The following GRIA1 variants were observed in gnomAD, a reference collection of about 807,000 sequenced individuals.
GRIA1 encodes glutamate ionotropic receptor AMPA type subunit 1.
A neutral mutation model predicts 99.2 loss-of-function variants in GRIA1; 31 were observed. The observed-to-expected ratio is 0.31, with a 90% CI of 0.23 to 0.42. The LOEUF is 0.42. Among genes scored for constraint, GRIA1 ranks in the 10% least tolerant of loss-of-function variants. The probability of loss-of-function intolerance (pLI) is 1.00; values close to 1 mark genes in which losing one functional copy is unlikely to be tolerated. For synonymous variants in GRIA1, 438 were observed against 432.4 expected (o/e 1.01, Z -0.16); for missense variants, 782 against 1,157.5 (o/e 0.68, Z 4.71).
rs535098920 is a variant in GRIA1, at chr5:153,772,180, T to C, written c.2270+1765T>C. Reference sequence around the variant, plus strand: ...GAACAATAAAGACAAAGAGAAGATCTCAAAGCACCCAGATATAAAAAGGTT... The same window carrying C: ...GAACAATAAAGACAAAGAGAAGATCCCAAAGCACCCAGATATAAAAAGGTT... On this transcript the variant is annotated intron_variant, in intron 13 of 15. Transcript: ENST00000285900. Among the ~76,000 whole-genome samples, 3 of 151,736 alleles carry C rather than the reference T, an allele frequency of 2.0e-5. No individual in the cohort carries two copies. In the East Asian group the frequency reaches 5.8e-4, roughly 29 times the overall value.
chr5:153,742,569 A>G (rs574201874), intron 11 of GRIA1, among the ~76,000 whole-genome samples: 1 of 152,280 alleles, frequency 6.6e-6, no homozygotes, highest in Admixed American at 6.5e-5. Flanking sequence ...TGTTTTGCTC[A>G]TTCAGGTTGT....
chr5:153,795,293 CTG>C (rs888044828), intron 14 of GRIA1, among the ~76,000 whole-genome samples: 2 of 152,016 alleles, frequency 1.3e-5, no homozygotes, highest in Non-Finnish European at 2.9e-5. Context: ...AGAGAAAGAA[CTG>C]TGTGAGTGTG....
intron 11 of GRIA1, among the ~76,000 whole-genome samples, chr5:153,711,670 CT>C (rs1206455467): frequency 6.6e-6 from 1 of 152,206 alleles, no homozygotes; most frequent in Non-Finnish European, 1.5e-5. Context: ...TGCTACCCTA[CT>C]GTGTAGTCTC....
At chr5:153,575,360 C>A (rs1762443546) in intron 2 of GRIA1, among the ~76,000 whole-genome samples, 1 of 152,108 alleles carries the variant, frequency 6.6e-6, no homozygotes, top group Admixed American at 6.6e-5. Context: ...ATTAGGTAGT[C>A]TTATGTAGGG....
intron 2 of GRIA1, among the ~76,000 whole-genome samples, chr5:153,573,819 C>A (rs17114806): frequency 0.097 from 14,706 of 152,208 alleles, 786 homozygotes; most frequent in South Asian, 0.19. Context: ...TGTGTGGCTG[C>A]ATGCCAAATG....
chr5:153,576,482 C>T (rs577983128), intron 2 of GRIA1, among the ~76,000 whole-genome samples: 2 of 152,306 alleles, frequency 1.3e-5, no homozygotes, highest in Admixed American at 1.3e-4. Context: ...ATATTCCAAT[C>T]TTTGATACCT....
chr5:153,685,923 G>A (rs1299365241), intron 7 of GRIA1, among the ~76,000 whole-genome samples: 1 of 152,120 alleles, frequency 6.6e-6, no homozygotes, highest in Non-Finnish European at 1.5e-5. Context: ...TTGTGTGATG[G>A]GAGGTGTTTG....
intron 15 of GRIA1, among the ~76,000 whole-genome samples, chr5:153,809,305 C>A (rs1485866777): frequency 2.0e-5 from 3 of 152,154 alleles, no homozygotes; most frequent in Admixed American, 6.5e-5. Flanking sequence ...AGAATGCAAT[C>A]CAGGTCACAC....
intron 5 of GRIA1, among the ~76,000 whole-genome samples, chr5:153,664,711 G>A (rs1307987012): frequency 6.6e-6 from 1 of 152,154 alleles, no homozygotes; most frequent in African/African-American, 2.4e-5. Context: ...GCCTGACAGT[G>A]TTAAGCACTC....
chr5:153,745,380 G>A (rs1218208454), intron 11 of GRIA1, among the ~76,000 whole-genome samples: 1 of 151,886 alleles, frequency 6.6e-6, no homozygotes, highest in Admixed American at 6.6e-5. Context: ...CTGAGGTCAG[G>A]AGTTTGAGAC....
At chr5:153,661,234 G>T (rs1437152118) in intron 5 of GRIA1, among the ~76,000 whole-genome samples, 4 of 152,146 alleles carry the variant, frequency 2.6e-5, no homozygotes, top group Non-Finnish European at 5.9e-5. Context: ...TGCAGCTTCT[G>T]GTTAGGCAGG....
chr5:153,569,828 T>G (rs1761960667), intron 2 of GRIA1, among the ~76,000 whole-genome samples: 1 of 152,066 alleles, frequency 6.6e-6, no homozygotes, highest in Non-Finnish European at 1.5e-5. Context: ...CCTAAAGAGG[T>G]GCAGAGGAAA....
chr5:153,787,477 C>G (rs1325875334), intron 13 of GRIA1, among the ~76,000 whole-genome samples: 1 of 150,136 alleles, frequency 6.7e-6, no homozygotes, highest in Non-Finnish European at 1.5e-5. Flanking sequence ...CTCTCTGAAT[C>G]TTGGAATTTT....
chr5:153,679,933 C>G (rs896091796), intron 7 of GRIA1, among the ~76,000 whole-genome samples: 2 of 152,164 alleles, frequency 1.3e-5, no homozygotes, highest in African/African-American at 4.8e-5. Flanking sequence ...ACACAAAGCT[C>G]TAAACATTTA....
intron 2 of GRIA1, among the ~76,000 whole-genome samples, chr5:153,581,267 G>A (rs945533147): frequency 1.3e-5 from 2 of 152,178 alleles, no homozygotes; most frequent in African/African-American, 4.8e-5. Context: ...CTCTTAAAAT[G>A]TAAATCAGAT....
intron 2 of GRIA1, among the ~76,000 whole-genome samples, chr5:153,629,368 T>C (rs1752763670): frequency 6.6e-6 from 1 of 152,148 alleles, no homozygotes; most frequent in African/African-American, 2.4e-5. Flanking sequence ...AGTGAGAAGA[T>C]TGGAAACACT....
At chr5:153,685,175 G>C (rs974370852) in intron 7 of GRIA1, among the ~76,000 whole-genome samples, 1 of 152,176 alleles carries the variant, frequency 6.6e-6, no homozygotes, top group Non-Finnish European at 1.5e-5. Flanking sequence ...CACCTCACTG[G>C]CCTTAGGCAA....
intron 11 of GRIA1, among the ~76,000 whole-genome samples, chr5:153,738,351 G>A (rs905041461): frequency 3.3e-5 from 5 of 152,020 alleles, no homozygotes; most frequent in Non-Finnish European, 7.4e-5. Flanking sequence ...GGGTATCCTC[G>A]GGGTTAAAAG....
intron 5 of GRIA1, among the ~76,000 whole-genome samples, chr5:153,673,737 G>A (rs979420515): frequency 6.6e-6 from 1 of 152,202 alleles, no homozygotes; most frequent in African/African-American, 2.4e-5. Context: ...TGAAAGTACT[G>A]CACATTATTG....
Sources: allele counts gnomAD v4.1 joint callset (sites outside exome capture counted in the v4.1 genomes callset), GRCh38; gene constraint gnomAD v4.1.1; transcripts MANE v1.5; gene names NCBI Gene and HGNC (gene_info 2026-07-23, HGNC 2026-07-21).